Variants in TEX54 observed in about 807,000 individuals in gnomAD.
TEX54 encodes testis expressed 54, also known as testis-expressed protein 54.
For synonymous variants in TEX54, 17 were observed against 7.0 expected (o/e 2.42, Z -2.24); for missense variants, 58 against 19.6 (o/e 2.96, Z -3.70).
Position 62,832,759 on chromosome 11 carries a change from G to A in TEX54, c.-9C>T, listed in dbSNP as rs1244766657. On this transcript the variant is annotated 5_prime_UTR_variant, in exon 1 of 1. The change creates a new upstream start codon in the 5' untranslated region. Coordinates refer to ENST00000636508, the Ensembl canonical transcript of TEX54. ...TCTTGGCAGCAGCCCATGGCCCCGCGTGGCCCTGGACTCCGTGCCACCCAC... is the reference window on the plus strand; with the variant it reads ...TCTTGGCAGCAGCCCATGGCCCCGCATGGCCCTGGACTCCGTGCCACCCAC... The A allele has an allele frequency of 2.1e-5, 13 of 606,502 alleles. No individual in the cohort carries two copies. The highest frequency in any genetic ancestry group is 3.6e-5 in the Non-Finnish European group (13 of 360,568). 37.6% of individuals were successfully genotyped at this position (606,502 alleles called of 1,614,324 possible).
upstream of TEX54, chr11:62,832,804 G>C (rs1276880680): frequency 1.1e-5 from 11 of 1,026,974 alleles, 1 homozygote; most frequent in East Asian, 3.0e-4. Flanking sequence ...CCTGCCTCCA[G>C]GCCCGGCTTT....
exon 1 of TEX54, chr11:62,832,497 C>T (rs2134872037): frequency 2.3e-6 from 1 of 440,766 alleles, no homozygotes; most frequent in East Asian, 3.5e-5. Flanking sequence ...GGATAGTCGC[C>T]GCCACAGCAC....
In TEX54 at chr11:62,832,654, G is replaced by T. The variant is rs1357691705; in HGVS notation, c.97C>A (p.Gln33Lys). The T allele has an allele frequency of 8.6e-6, 4 of 467,764 alleles. No individual in the cohort carries two copies. The East Asian group carries it at 1.4e-4, about 16-fold the overall frequency. 29.0% of individuals were successfully genotyped at this position (467,764 alleles called of 1,614,324 possible). Residue 33 changes from glutamine to lysine, a missense_variant, in exon 1 of 1, where the codon CAA (glutamine) becomes AAA (lysine). Coordinates refer to ENST00000636508, the Ensembl canonical transcript of TEX54. ...CTCTCACACTCCCTGGGCCCTCTTT[G>T]TGTGTCTGTGGTCTCATCTTCCCTG...
chr11:62,832,323 C>G (rs868708576), exon 1 of TEX54: 70 of 579,300 alleles, frequency 1.2e-4, no homozygotes, highest in African/African-American at 1.2e-3. Flanking sequence ...TGCAGGTATA[C>G]GTTAGAAATT....
the TEX54 span, chr11:62,832,495 G>A: frequency 4.5e-6 from 2 of 440,816 alleles, no homozygotes; most frequent in Non-Finnish European, 8.0e-6. Context: ...GTGGATAGTC[G>A]CCGCCACAGC....
chr11:62,832,426 G>GGT, the TEX54 span: 1 of 471,628 alleles, frequency 2.1e-6, no homozygotes, highest in Non-Finnish European at 3.7e-6. Context: ...GGACTCTCCT[G>GGT]CTTCCGAATC....
At chr11:62,832,740 C>T (rs891533544) in exon 1 of TEX54, 4 of 571,710 alleles carry the variant, frequency 7.0e-6, no homozygotes, top group Admixed American at 6.7e-5. Flanking sequence ...CTTGTCTTGG[C>T]AGCAGCCCAT....
At chr11:62,832,750 T>C (rs1443216657) in exon 1 of TEX54, 4 of 589,542 alleles carry the variant, frequency 6.8e-6, no homozygotes, top group African/African-American at 1.9e-5. Flanking sequence ...CAGCAGCCCA[T>C]GGCCCCGCGT....
the TEX54 span, chr11:62,832,624 G>GC: frequency 1.8e-5 from 8 of 446,806 alleles, no homozygotes; most frequent in South Asian, 4.4e-4. Flanking sequence ...CCCTCGGGAA[G>GC]CCCCCTCTCA....
Sources: allele counts gnomAD v4.1 joint callset, GRCh38; gene constraint gnomAD v4.1.1; transcripts MANE v1.5; gene names NCBI Gene and HGNC (gene_info 2026-07-23, HGNC 2026-07-21).